KARS1: variants seen among roughly 807,000 people sequenced by gnomAD.
KARS1 encodes lysyl-tRNA synthetase 1.
In KARS1, 50 loss-of-function variants were observed where a neutral mutation model predicts 63.9. The ratio of observed to expected loss-of-function variants is 0.78; its 90% CI spans 0.62 to 0.99. The LOEUF (loss-of-function observed/expected upper bound fraction) is 0.99, where lower values mean the gene tolerates loss of function less well. Ranked by LOEUF, KARS1 falls within the 50% of genes least tolerant of loss-of-function variation. The probability of loss-of-function intolerance (pLI) is 0.00; values close to 1 mark genes in which losing one functional copy is unlikely to be tolerated. For synonymous variants in KARS1, 320 were observed against 264.6 expected (o/e 1.21, Z -2.03); for missense variants, 816 against 754.5 (o/e 1.08, Z -0.95).
chr16:75,631,603 C>T lies in KARS1; in HGVS notation c.1079-14G>A, dbSNP rs115518873. On this transcript the variant is annotated splice_polypyrimidine_tract_variant and intron_variant, in intron 8 of 13. Coordinates refer to ENST00000302445, the MANE Select transcript of KARS1 (RefSeq NM_005548.3). The stretch of plus-strand genomic sequence containing the variant: ...GCTTCACCATCCCTGGGAGAGAAAC[C>T]TGTTATTTAGCGGGAATGAAATCCA... The T allele has an allele frequency of 1.9e-4, 308 of 1,614,114 alleles. 1 individual carries two copies. In the African/African-American group the frequency reaches 3.5e-3, roughly 18 times the overall value.
chr16:75,631,374 A>G, intron 9 of KARS1, 42 bp downstream of exon 9: 1 of 1,606,098 alleles, frequency 6.2e-7, no homozygotes, highest in South Asian at 1.1e-5. Flanking sequence ...GCTGAACAGG[A>G]AGGAGGGCCT....
At chr16:75,633,514 ACT>A (rs2082133004) in intron 7 of KARS1, among the ~76,000 whole-genome samples, 2 of 139,974 alleles carry the variant, frequency 1.4e-5, no homozygotes, top group African/African-American at 5.3e-5. Flanking sequence ...ATTTGAAGAT[ACT>A]TTTTTTTTTT....
At chr16:75,636,135 TC>T in intron 4 of KARS1, 37 bp from the exon 5 acceptor site, 1 of 1,267,096 alleles carries the variant, frequency 7.9e-7, no homozygotes, top group Non-Finnish European at 1.1e-6. Context: ...TAACAACAAT[TC>T]AAATGAACAC....
At chr16:75,641,208 A>G (rs569201468) in intron 2 of KARS1, among the ~76,000 whole-genome samples, 1 of 116,728 alleles carries the variant, frequency 8.6e-6, no homozygotes, top group Admixed American at 8.8e-5. Flanking sequence ...GGAAGGATAA[A>G]GTGGGGGCAT....
intron 1 of KARS1, chr16:75,644,359 G>A (rs1597178071): frequency 6.2e-7 from 1 of 1,612,186 alleles, no homozygotes; most frequent in Non-Finnish European, 8.5e-7. Flanking sequence ...AGTTCCCTGT[G>A]ACCCCACTCT....
At chr16:75,631,130 C>G (rs747369627) in intron 10 of KARS1, 38 bp downstream of exon 10, 2 of 1,531,982 alleles carry the variant, frequency 1.3e-6, no homozygotes. Context: ...CATTCAGCAC[C>G]AGATGAGGAC....
chr16:75,635,457 T>C, intron 6 of KARS1: 1 of 553,508 alleles, frequency 1.8e-6, no homozygotes, highest in East Asian at 3.3e-5. Context: ...TGTGACATCA[T>C]TAGCATGTGG....
At chr16:75,634,057 A>C in intron 7 of KARS1, 116 bp downstream of exon 7, 1 of 1,127,388 alleles carries the variant, frequency 8.9e-7, no homozygotes, top group South Asian at 1.2e-5. Flanking sequence ...CCATCAGAAC[A>C]CTTTCTTGGC....
At chr16:75,645,291 T>C (rs528813447) in intron 1 of KARS1, among the ~76,000 whole-genome samples, 1 of 152,362 alleles carries the variant, frequency 6.6e-6, no homozygotes, top group African/African-American at 2.4e-5. Flanking sequence ...GCAGTCAGGA[T>C]ACAGAGCATG....
At position 75,636,526 on chromosome 16, in the gene KARS1, G is replaced by C. The variant is rs200326411; in HGVS notation, c.410C>G (p.Ala137Gly). 2.7e-5 allele frequency: 44 copies of C among 1,612,054 alleles called. No homozygotes were observed. Among genetic ancestry groups the C allele is most frequent in the Non-Finnish European group, 5.1e-6 (6 of 1,178,346 alleles). Residue 137 changes from alanine to glycine, a missense_variant, in exon 4 of 14, where the codon GCT becomes GGT. By Grantham distance (60) the Ala-to-Gly change is moderately conservative. Coordinates refer to ENST00000302445, the MANE Select transcript of KARS1 (RefSeq NM_005548.3). ...ATAGAAGATGAGCTTTCCCCCAGAA[G>C]CTCTTTTGGCATGGATCCTACCTAG... Reference protein sequence around the residue: ...KVAGRIHAKRASGGKLIFYDL... With the variant: ...KVAGRIHAKRGSGGKLIFYDL...
chr16:75,641,579 C>G lies in KARS1; in HGVS notation c.207G>C (p.Glu69Asp), dbSNP rs2082224223. 6.2e-7 allele frequency: 1 copy of G among 1,613,856 alleles called. No individual in the cohort carries two copies. Among genetic ancestry groups the G allele is most frequent in the African/African-American group, 1.3e-5 (1 of 75,050 alleles). ...GGGAACTCACATTTGGGTCCACGCT[C>G]TCTTCCTCAGGACCCACACCATTAT... Reference protein sequence around the residue: ...TTDNGVGPEEESVDPNQYYKI... With the variant: ...TTDNGVGPEEDSVDPNQYYKI... Residue 69 changes from glutamate (E) to aspartate (D), a missense_variant, in exon 2 of 14, where the codon GAG (glutamate) becomes GAC (aspartate). Coordinates refer to ENST00000302445, the MANE Select transcript of KARS1 (RefSeq NM_005548.3).
At chr16:75,637,272 C>G (rs1445968770) in intron 3 of KARS1, among the ~76,000 whole-genome samples, 2 of 151,764 alleles carry the variant, frequency 1.3e-5, no homozygotes, top group Non-Finnish European at 2.9e-5. Flanking sequence ...AGCAAGGAGG[C>G]AAACCACCAA....
intron 1 of KARS1, among the ~76,000 whole-genome samples, chr16:75,645,500 G>A (rs2082270557): frequency 6.6e-6 from 1 of 152,222 alleles, no homozygotes; most frequent in Non-Finnish European, 1.5e-5. Context: ...ATCTAGCATT[G>A]TGCCTGGCAC....
In KARS1 at chr16:75,630,410, ACTGGAAT is replaced by A; in HGVS notation, c.1424+6_1424+12del. 6.6e-7 allele frequency: 1 copy of A among 1,517,176 alleles called. No homozygotes were observed. Among genetic ancestry groups the A allele is most frequent in the South Asian group, 1.1e-5 (1 of 89,260 alleles). The allele number at this position is 1,517,176 out of a possible 1,614,324, so 94.0% of individuals were successfully genotyped here. On this transcript the variant is annotated splice_donor_region_variant and intron_variant, in intron 11 of 13. Coordinates refer to ENST00000302445, the MANE Select transcript of KARS1 (RefSeq NM_005548.3). Reference sequence around the variant, plus strand: ...TGGGGCTGTTATGCAGCAATAGGTAACTGGAATCTTACCATTTAGCCAAAGGGCTCAT... The same window carrying A: ...TGGGGCTGTTATGCAGCAATAGGTAACTTACCATTTAGCCAAAGGGCTCAT...
chr16:75,639,287 A>T (rs752818319), intron 3 of KARS1, among the ~76,000 whole-genome samples: 18 of 152,042 alleles, frequency 1.2e-4, no homozygotes, highest in Non-Finnish European at 2.1e-4. Flanking sequence ...TAAATATTTT[A>T]GTGGCAGGGT....
intron 6 of KARS1, 32 bp downstream of exon 6, chr16:75,635,648 G>C (rs769239018): frequency 6.2e-7 from 1 of 1,612,316 alleles, no homozygotes; most frequent in Non-Finnish European, 8.5e-7. Flanking sequence ...TTGCAAGGCA[G>C]CTCATCACGT....
intron 1 of KARS1, among the ~76,000 whole-genome samples, chr16:75,643,085 G>A (rs1028248318): frequency 5.3e-5 from 8 of 152,202 alleles, no homozygotes; most frequent in Admixed American, 3.9e-4. Context: ...AAAGTAATGC[G>A]GACAACTCTG....
intron 3 of KARS1, among the ~76,000 whole-genome samples, chr16:75,638,456 A>G (rs937887087): frequency 6.6e-6 from 1 of 151,992 alleles, no homozygotes; most frequent in Admixed American, 6.6e-5. Context: ...TTATTGTTCA[A>G]CTCTCACTTA....
chr16:75,629,239 G>A (rs551702862), intron 12 of KARS1, among the ~76,000 whole-genome samples, 176 bp downstream of exon 12: 8 of 152,160 alleles, frequency 5.3e-5, no homozygotes, highest in East Asian at 3.9e-4. Context: ...TCTTATGTAC[G>A]ACAGACTCAA....
Sources: gnomAD v4.1 joint callset for allele counts (sites outside exome capture counted in the v4.1 genomes callset) on GRCh38, gnomAD v4.1.1 for gene constraint, MANE v1.5 for transcripts, NCBI Gene and HGNC (gene_info 2026-07-23, HGNC 2026-07-21) for gene names.